TCP11L1: variants seen among roughly 807,000 people sequenced by gnomAD.
TCP11L1 encodes t-complex 11 like 1, also known as T-complex protein 11-like protein 1.
Under a neutral mutation model 48.9 loss-of-function variants are expected in TCP11L1, and 28 were observed. That is an observed-to-expected ratio of 0.57 (90% CI 0.42 to 0.78). The LOEUF (loss-of-function observed/expected upper bound fraction) is 0.78, where lower values mean the gene tolerates loss of function less well. Among genes scored for constraint, TCP11L1 ranks in the 30% least tolerant of loss-of-function variants. TCP11L1 has a pLI of 0.00. For synonymous variants in TCP11L1, 204 were observed against 231.9 expected (o/e 0.88, Z 1.09); for missense variants, 505 against 613.4 (o/e 0.82, Z 1.87).
At chr11:33,055,017 C>T (rs927365948) in intron 3 of TCP11L1, among the ~76,000 whole-genome samples, 5 of 152,238 alleles carry the variant, frequency 3.3e-5, no homozygotes, top group South Asian at 2.1e-4. Flanking sequence ...TTGGTTTCAT[C>T]GCAAAGGCGA....
Position 33,054,709 on chromosome 11 carries a change from G to T in TCP11L1, c.280G>T (p.Glu94Ter). 6.2e-7 allele frequency: 1 copy of T among 1,612,742 alleles called. No individual in the cohort carries two copies. Among genetic ancestry groups the T allele is most frequent in the Middle Eastern group, 1.7e-4 (1 of 6,060 alleles). ...VNGDFQIKPV[E>*]LPENSLKKRV... is the part of the protein sequence containing the mutation. ...TGGAGACTTTCAGATTAAACCAGTT[G>T]AATTACCAGAAAACAGGTAAGGTGG... Residue 94 changes from glutamate to a stop codon, truncating the protein, a stop_gained, in exon 3 of 10, where the codon GAA (glutamate) becomes TAA (stop). Coordinates refer to ENST00000334274, the MANE Select transcript of TCP11L1 (RefSeq NM_018393.4). LOFTEE classifies it high-confidence loss of function.
At chr11:33,061,094 T>A in intron 6 of TCP11L1, among the ~76,000 whole-genome samples, 1 of 152,184 alleles carries the variant, frequency 6.6e-6, no homozygotes, top group Non-Finnish European at 1.5e-5. Context: ...TAGCTGGGGC[T>A]ACAGGCATGT....
intron 3 of TCP11L1, among the ~76,000 whole-genome samples, chr11:33,055,967 G>A (rs1206797417): frequency 2.0e-5 from 3 of 152,092 alleles, no homozygotes; most frequent in East Asian, 1.9e-4. Flanking sequence ...ATAGGCGTGC[G>A]CCACCATGCC....
At chr11:33,051,011 A>G (rs1854144766) in intron 2 of TCP11L1, among the ~76,000 whole-genome samples, 1 of 151,858 alleles carries the variant, frequency 6.6e-6, no homozygotes, top group South Asian at 2.1e-4. Flanking sequence ...GGGTTTCGCC[A>G]TGTTGCCCAG....
rs76455887 is a variant in TCP11L1, at chr11:33,059,415, G to T, written c.775+320G>T. Among the ~76,000 whole-genome samples, 1,380 of 152,216 alleles carry T rather than the reference G, an allele frequency of 9.1e-3. 22 individuals are homozygous for T. Among genetic ancestry groups the T allele is most frequent in the African/African-American group, 0.032 (1,328 of 41,532 alleles). ...AAATACATTCTTGGTCTTGATTTTT[G>T]AAAACATGACAGACATCCTGTGAAT... On this transcript the variant is annotated intron_variant, in intron 6 of 9. Transcript: ENST00000334274.
intron 7 of TCP11L1, among the ~76,000 whole-genome samples, chr11:33,063,049 AG>A (rs1194661019): frequency 6.6e-6 from 1 of 152,094 alleles, no homozygotes; most frequent in Non-Finnish European, 1.5e-5. Context: ...TTTTTTGTGG[AG>A]ACAGGGGTCT....
chr11:33,059,329 T>C lies in TCP11L1; in HGVS notation c.775+234T>C, dbSNP rs1296248973. The stretch of plus-strand genomic sequence containing the variant: ...TGTGAGTAGGCTATGAGAATAGAAA[T>C]TAAAAACAATGAATTCCTAAATTAT... On this transcript the variant is annotated intron_variant, in intron 6 of 9. Coordinates refer to ENST00000334274, the MANE Select transcript of TCP11L1 (RefSeq NM_018393.4). Among the ~76,000 whole-genome samples the C allele has an allele frequency of 2.0e-5, 3 of 152,184 alleles. No homozygotes were observed. In the East Asian group the frequency reaches 5.8e-4, roughly 29 times the overall value.
intron 2 of TCP11L1, among the ~76,000 whole-genome samples, chr11:33,053,969 C>G (rs1854239210): frequency 6.6e-6 from 1 of 152,114 alleles, no homozygotes; most frequent in Admixed American, 6.5e-5. Context: ...GCATGCACCA[C>G]CATGCCCGGT....
chr11:33,049,352 G>A (rs951730793), intron 2 of TCP11L1, among the ~76,000 whole-genome samples: 1 of 152,050 alleles, frequency 6.6e-6, no homozygotes, highest in African/African-American at 2.4e-5. Flanking sequence ...TGAAGGGGTG[G>A]CCTGCCCCTC....
At chr11:33,043,086 T>C (rs1273274890) in intron 1 of TCP11L1, among the ~76,000 whole-genome samples, 1 of 152,044 alleles carries the variant, frequency 6.6e-6, no homozygotes, top group African/African-American at 2.4e-5. Flanking sequence ...AAAACAAAAA[T>C]TAGCTGGGCG....
chr11:33,063,361 T>C (rs1454428128), intron 7 of TCP11L1, among the ~76,000 whole-genome samples: 1 of 152,192 alleles, frequency 6.6e-6, no homozygotes, highest in Non-Finnish European at 1.5e-5. Context: ...CTGGGTTACA[T>C]GGTGACTCTT....
intron 9 of TCP11L1, among the ~76,000 whole-genome samples, chr11:33,069,904 A>G (rs562676789): frequency 2.2e-4 from 33 of 152,290 alleles, no homozygotes; most frequent in African/African-American, 7.5e-4. Context: ...CACTGCATCC[A>G]GCCAAGATTT....
At chr11:33,042,254 CTGAG>C in intron 1 of TCP11L1, among the ~76,000 whole-genome samples, 1 of 152,340 alleles carries the variant, frequency 6.6e-6, no homozygotes, top group Non-Finnish European at 1.5e-5. Context: ...CTTCAGCCTC[CTGAG>C]TATTTGGGAC....
At chr11:33,046,355 C>G (rs1235215624) in intron 2 of TCP11L1, among the ~76,000 whole-genome samples, 2 of 152,238 alleles carry the variant, frequency 1.3e-5, no homozygotes, top group African/African-American at 2.4e-5. Context: ...GGCATCTTGT[C>G]AGCCTGATGG....
chr11:33,059,649 C>A (rs1393606709), intron 6 of TCP11L1, among the ~76,000 whole-genome samples: 1 of 152,200 alleles, frequency 6.6e-6, no homozygotes, highest in Non-Finnish European at 1.5e-5. Flanking sequence ...TGCTAACTGA[C>A]ATTCTGGGTA....
chr11:33,046,703 C>G (rs12284744), intron 2 of TCP11L1, among the ~76,000 whole-genome samples: 5 of 152,136 alleles, frequency 3.3e-5, no homozygotes, highest in African/African-American at 1.2e-4. Context: ...ACCTCATTAT[C>G]TGGGCATCAG....
At chr11:33,062,789 G>A (rs955471278) in intron 7 of TCP11L1, among the ~76,000 whole-genome samples, 1 of 152,114 alleles carries the variant, frequency 6.6e-6, no homozygotes, top group Non-Finnish European at 1.5e-5. Flanking sequence ...TTTTGGGTCT[G>A]GCTTATTTTA....
chr11:33,047,394 C>G (rs1854030333), intron 2 of TCP11L1, among the ~76,000 whole-genome samples: 1 of 152,204 alleles, frequency 6.6e-6, no homozygotes, highest in Non-Finnish European at 1.5e-5. Context: ...AATGTTTTCT[C>G]TAAAATCTTC....
At chr11:33,061,807 A>C in intron 7 of TCP11L1, 81 bp downstream of exon 7, 1 of 1,368,916 alleles carries the variant, frequency 7.3e-7, no homozygotes, top group Non-Finnish European at 9.7e-7. Context: ...TTGGCCAGGC[A>C]CGGTGGCTCA....
Sources: allele counts gnomAD v4.1 joint callset (sites outside exome capture counted in the v4.1 genomes callset), GRCh38; gene constraint gnomAD v4.1.1; transcripts MANE v1.5; gene names NCBI Gene and HGNC (gene_info 2026-07-23, HGNC 2026-07-21).